MTUS2: variants seen among roughly 807,000 people sequenced by gnomAD.
MTUS2 encodes the protein microtubule associated scaffold protein 2, also known as microtubule-associated tumor suppressor candidate 2.
In MTUS2, 40 loss-of-function variants were observed where a neutral mutation model predicts 114.1. The ratio of observed to expected loss-of-function variants is 0.35; its 90% CI spans 0.27 to 0.46. The LOEUF is 0.46. Among genes scored for constraint, MTUS2 ranks in the 20% least tolerant of loss-of-function variants. MTUS2 has a pLI of 1.00. For missense variants in MTUS2, 1,679 were observed against 1,705.4 expected (o/e 0.98, Z 0.27); for synonymous variants, 688 against 672.0 (o/e 1.02, Z -0.37).
intron 7 of MTUS2, among the ~76,000 whole-genome samples, chr13:29,327,634 G>A (rs144263643): frequency 2.6e-5 from 4 of 152,184 alleles, no homozygotes; most frequent in African/African-American, 9.6e-5. Context: ...GATGGAAATT[G>A]GGGCTTTCCC....
chr13:28,937,738 G>T (rs1348614002), intron 2 of MTUS2, among the ~76,000 whole-genome samples: 1 of 152,146 alleles, frequency 6.6e-6, no homozygotes, highest in Non-Finnish European at 1.5e-5. Flanking sequence ...AGCCTAGAGT[G>T]TCCCTGAGTG....
chr13:29,208,892 T>C (rs544066783), intron 5 of MTUS2, among the ~76,000 whole-genome samples: 1 of 152,200 alleles, frequency 6.6e-6, no homozygotes, highest in Non-Finnish European at 1.5e-5. Flanking sequence ...CTGATGAATG[T>C]ACATTCTGCA....
At chr13:29,444,408 G>A (rs1174186880) in intron 9 of MTUS2, among the ~76,000 whole-genome samples, 1 of 152,114 alleles carries the variant, frequency 6.6e-6, no homozygotes, top group African/African-American at 2.4e-5. Context: ...TCCAGCCTGG[G>A]CAACAAGAGC....
intron 9 of MTUS2, among the ~76,000 whole-genome samples, chr13:29,447,652 TC>T (rs1275367006): frequency 1.3e-5 from 2 of 148,798 alleles, no homozygotes; most frequent in Admixed American, 1.3e-4. Flanking sequence ...AAGTATCTCA[TC>T]CTCAACTCAC....
At chr13:28,942,270 A>G (rs186461179) in intron 2 of MTUS2, among the ~76,000 whole-genome samples, 1 of 152,246 alleles carries the variant, frequency 6.6e-6, no homozygotes, top group African/African-American at 2.4e-5. Context: ...CAACGAAACC[A>G]CAATGAGATA....
chr13:29,308,085 C>A (rs765597536), intron 6 of MTUS2, among the ~76,000 whole-genome samples: 1 of 152,194 alleles, frequency 6.6e-6, no homozygotes, highest in Non-Finnish European at 1.5e-5. Context: ...CAAAAAAGAT[C>A]CTGAATAGCC....
At chr13:29,293,089 A>G (rs1322041773) in intron 6 of MTUS2, among the ~76,000 whole-genome samples, 1 of 152,198 alleles carries the variant, frequency 6.6e-6, no homozygotes, top group Non-Finnish European at 1.5e-5. Flanking sequence ...CATAAAACCT[A>G]GAAACATTTT....
At chr13:29,353,285 TC>T (rs1242784895) in intron 7 of MTUS2, among the ~76,000 whole-genome samples, 8 of 152,160 alleles carry the variant, frequency 5.3e-5, no homozygotes, top group Non-Finnish European at 1.2e-4. Flanking sequence ...TCCTCCCACA[TC>T]AGTCTCCCAA....
At chr13:29,318,487 G>A (rs1413755697) in intron 6 of MTUS2, among the ~76,000 whole-genome samples, 1 of 149,202 alleles carries the variant, frequency 6.7e-6, no homozygotes, top group African/African-American at 2.5e-5. Context: ...CAAGCAGTTA[G>A]TGACTTTCTG....
At chr13:28,859,865 C>T (rs959924727) in intron 2 of MTUS2, among the ~76,000 whole-genome samples, 25 of 152,104 alleles carry the variant, frequency 1.6e-4, no homozygotes, top group African/African-American at 6.0e-4. Flanking sequence ...AGCATCTTCC[C>T]CTGAGGCCTG....
At chr13:29,404,823 G>T (rs1452882744) in intron 8 of MTUS2, among the ~76,000 whole-genome samples, 1 of 152,142 alleles carries the variant, frequency 6.6e-6, no homozygotes, top group Non-Finnish European at 1.5e-5. Flanking sequence ...AAGAAGATAG[G>T]CTCTAAGTAG....
intron 3 of MTUS2, among the ~76,000 whole-genome samples, chr13:29,031,538 G>A (rs1414548637): frequency 6.6e-6 from 1 of 151,888 alleles, no homozygotes; most frequent in African/African-American, 2.4e-5. Context: ...AGTTGGTGCT[G>A]CAGCTTGGGT....
At chr13:29,261,453 TG>T (rs1382156661) in intron 5 of MTUS2, among the ~76,000 whole-genome samples, 1 of 152,242 alleles carries the variant, frequency 6.6e-6, no homozygotes, top group African/African-American at 2.4e-5. Context: ...CTTTCAAAAG[TG>T]GCTGACTAAA....
intron 2 of MTUS2, among the ~76,000 whole-genome samples, chr13:28,927,086 A>C (rs1881365745): frequency 6.6e-6 from 1 of 152,224 alleles, no homozygotes; most frequent in African/African-American, 2.4e-5. Context: ...CAGGTGCTAT[A>C]GCATTTATAG....
chr13:29,180,695 A>G (rs1593567184), intron 5 of MTUS2, among the ~76,000 whole-genome samples: 1 of 152,156 alleles, frequency 6.6e-6, no homozygotes, highest in African/African-American at 2.4e-5. Context: ...AACTGGCTTC[A>G]CTTGAGTCCA....
chr13:29,158,457 T>C (rs1593539380), intron 5 of MTUS2, among the ~76,000 whole-genome samples: 1 of 147,374 alleles, frequency 6.8e-6, no homozygotes, highest in Non-Finnish European at 1.5e-5. Flanking sequence ...GAGTTCACTC[T>C]GTCTCTCCAG....
chr13:28,863,141 A>G (rs969787543), intron 2 of MTUS2, among the ~76,000 whole-genome samples: 1 of 152,224 alleles, frequency 6.6e-6, no homozygotes, highest in Non-Finnish European at 1.5e-5. Flanking sequence ...ATCTTTATCC[A>G]GAGAAAGTTA....
chr13:29,504,683 GGAA>G lies in MTUS2; in HGVS notation c.*1482_*1484del, dbSNP rs1453558427. The G allele has an allele frequency of 4.3e-5, 10 of 233,158 alleles. No individual in the cohort carries two copies. The highest frequency in any genetic ancestry group is 1.7e-5 in the Non-Finnish European group (2 of 118,058). 14.4% of individuals were successfully genotyped at this position (233,158 alleles called of 1,614,324 possible). The stretch of plus-strand genomic sequence containing the variant: ...AAGATTAGGAGCATGATACACAAAA[GGAA>G]GAAGTAGTTTTAACAGATATGGTGA... On this transcript the variant is annotated 3_prime_UTR_variant, in exon 16 of 16. Transcript: ENST00000612955.
Position 29,209,728 on chromosome 13 carries a change from G to C in MTUS2, c.2645-71976G>C, listed in dbSNP as rs1895346239. Among the ~76,000 whole-genome samples the C allele has an allele frequency of 5.3e-5, 8 of 152,200 alleles. No individual in the cohort carries two copies. The South Asian group carries it at 1.7e-3, about 32-fold the overall frequency. ...ATACAAAACTCTTGGCTGACAAATT[G>C]TTTTGTTTAACAAGGCTAAAGGTAG... On this transcript the variant is annotated intron_variant, in intron 5 of 15. Coordinates refer to ENST00000612955, the MANE Select transcript of MTUS2 (RefSeq NM_001033602.4).
Sources: gnomAD v4.1 joint callset for allele counts (sites outside exome capture counted in the v4.1 genomes callset) on GRCh38, gnomAD v4.1.1 for gene constraint, MANE v1.5 for transcripts, NCBI Gene and HGNC (gene_info 2026-07-23, HGNC 2026-07-21) for gene names.